DOCK3: variants seen among roughly 807,000 people sequenced by gnomAD.
The protein encoded by DOCK3 is dedicator of cytokinesis protein 3.
Under a neutral mutation model 265.6 loss-of-function variants are expected in DOCK3, and 60 were observed. That is an observed-to-expected ratio of 0.23 (90% CI 0.18 to 0.28). The LOEUF (loss-of-function observed/expected upper bound fraction) is 0.28. Ranked by LOEUF, DOCK3 falls within the 10% of genes least tolerant of loss-of-function variation. The pLI, the probability that DOCK3 is intolerant of heterozygous loss-of-function variation, is 1.00. For missense variants in DOCK3, 1,981 were observed against 2,594.3 expected, an observed-to-expected ratio of 0.76 and a Z score of 5.14; for synonymous variants, 881 against 938.0, an observed-to-expected ratio of 0.94 and a Z score of 1.11.
intron 19 of DOCK3, among the ~76,000 whole-genome samples, chr3:51,229,845 G>A (rs2090472922): frequency 6.6e-6 from 1 of 152,134 alleles, no homozygotes; most frequent in African/African-American, 2.4e-5. Flanking sequence ...TGTTTTAACA[G>A]TGCAGAATAT....
At chr3:51,198,793 G>T (rs1348683722) in intron 12 of DOCK3, among the ~76,000 whole-genome samples, 1 of 152,156 alleles carries the variant, frequency 6.6e-6, no homozygotes, top group Non-Finnish European at 1.5e-5. Flanking sequence ...ACTTTGGGAG[G>T]CTGAGTCAGG....
intron 1 of DOCK3, among the ~76,000 whole-genome samples, chr3:50,775,561 T>G (rs1347493276): frequency 2.0e-5 from 3 of 152,096 alleles, no homozygotes; most frequent in Admixed American, 2.0e-4. Context: ...TGATTTACGG[T>G]AGTGGAAGTT....
intron 27 of DOCK3, among the ~76,000 whole-genome samples, chr3:51,285,787 T>G (rs975225210): frequency 1.3e-5 from 2 of 151,800 alleles, no homozygotes; most frequent in African/African-American, 4.8e-5. Context: ...AAAAAAAAAT[T>G]AGCTGGGTGT....
intron 6 of DOCK3, among the ~76,000 whole-genome samples, chr3:51,075,103 T>C (rs1452113579): frequency 6.6e-6 from 1 of 152,180 alleles, no homozygotes; most frequent in Non-Finnish European, 1.5e-5. Flanking sequence ...GCTGATATAA[T>C]GTAATACTGA....
intron 24 of DOCK3, among the ~76,000 whole-genome samples, chr3:51,274,097 G>A (rs2080672818): frequency 1.3e-5 from 2 of 152,220 alleles, no homozygotes; most frequent in African/African-American, 4.8e-5. Context: ...TGTAAATATA[G>A]TCAGCTCCTG....
At chr3:51,305,514 C>T (rs945704688) in intron 27 of DOCK3, among the ~76,000 whole-genome samples, 6 of 152,128 alleles carry the variant, frequency 3.9e-5, no homozygotes, top group Non-Finnish European at 8.8e-5. Flanking sequence ...TTTCCCAACT[C>T]CGTCTTTTAG....
At chr3:51,289,784 A>T (rs549946695) in intron 27 of DOCK3, among the ~76,000 whole-genome samples, 1 of 152,318 alleles carries the variant, frequency 6.6e-6, no homozygotes, top group South Asian at 2.1e-4. Context: ...TTTGCAATCT[A>T]CTCATCTGAC....
intron 3 of DOCK3, among the ~76,000 whole-genome samples, chr3:50,874,143 A>T (rs2047584607): frequency 1.4e-5 from 2 of 141,660 alleles, no homozygotes; most frequent in South Asian, 4.4e-4. Flanking sequence ...ATCTTGCTCC[A>T]TCTTTTTCTC....
rs747241851 is a variant in DOCK3 at position 51,271,012 on chromosome 3, A to C, written c.2548+5A>C. On this transcript the variant is annotated splice_donor_5th_base_variant and intron_variant, in intron 24 of 52. Transcript: ENST00000266037. ...GCCGCCTGTTTTCTTTCTCAGGTAA[A>C]TCAAGTTGGGATGAGAGTCCTCCTT... 5.6e-6 allele frequency: 9 copies of C among 1,609,942 alleles called. No homozygotes were observed. Among genetic ancestry groups the C allele is most frequent in the Non-Finnish European group, 7.6e-6 (9 of 1,178,044 alleles).
chr3:51,202,600 C>G (rs1288935866), intron 12 of DOCK3, among the ~76,000 whole-genome samples: 1 of 152,112 alleles, frequency 6.6e-6, no homozygotes, highest in African/African-American at 2.4e-5. Flanking sequence ...CAAGGAGGAA[C>G]TGGTACCATT....
chr3:50,933,002 G>A (rs2051152636), intron 4 of DOCK3, among the ~76,000 whole-genome samples: 3 of 152,198 alleles, frequency 2.0e-5, no homozygotes, highest in Non-Finnish European at 4.4e-5. Context: ...GAGGAGCAAA[G>A]TCACATCTTA....
At chr3:50,708,251 G>T (rs145526228) in intron 1 of DOCK3, among the ~76,000 whole-genome samples, 1 of 152,310 alleles carries the variant, frequency 6.6e-6, no homozygotes, top group Non-Finnish European at 1.5e-5. Context: ...AGGGGTTGAG[G>T]TTGCTGTCAG....
At chr3:51,037,185 AT>A (rs1438653921) in intron 5 of DOCK3, among the ~76,000 whole-genome samples, 1 of 152,212 alleles carries the variant, frequency 6.6e-6, no homozygotes, top group African/African-American at 2.4e-5. Flanking sequence ...GTTTAAAAAA[AT>A]ATAATGCAAA....
chr3:50,902,854 G>C (rs2049272360), intron 4 of DOCK3, among the ~76,000 whole-genome samples: 1 of 152,170 alleles, frequency 6.6e-6, no homozygotes, highest in Non-Finnish European at 1.5e-5. Flanking sequence ...TCCTTAAGCA[G>C]CGGTTTGTAG....
chr3:50,977,553 C>T (rs1285343599), intron 5 of DOCK3, among the ~76,000 whole-genome samples: 1 of 152,168 alleles, frequency 6.6e-6, no homozygotes, highest in Admixed American at 6.5e-5. Context: ...GTAACCCGAC[C>T]TTTCTCTTTG....
rs367611860 is a variant in DOCK3 at position 50,832,530 on chromosome 3, G to A, written c.122-9145G>A. ...CAAATTTAGAAGAAAAGTGCAACCTGTTTTATTAGCAAGGTCTTTGTGACC... is the reference window on the plus strand; with the variant it reads ...CAAATTTAGAAGAAAAGTGCAACCTATTTTATTAGCAAGGTCTTTGTGACC... On this transcript the variant is annotated intron_variant, in intron 2 of 52. Coordinates refer to ENST00000266037, the MANE Select transcript of DOCK3 (RefSeq NM_004947.5). Among the ~76,000 whole-genome samples, 15 of 152,068 alleles carry A rather than the reference G, an allele frequency of 9.9e-5. 1 individual carries two copies. The highest frequency in any genetic ancestry group is 3.4e-4 in the African/African-American group (14 of 41,428).
chr3:51,048,728 C>T (rs1034191757), intron 5 of DOCK3, among the ~76,000 whole-genome samples: 5 of 152,066 alleles, frequency 3.3e-5, no homozygotes, highest in African/African-American at 7.2e-5. Context: ...CTTAAACTTA[C>T]ACGTAAGTAC....
In DOCK3 at chr3:51,359,200, G is replaced by A. The variant is rs376487872; in HGVS notation, c.4884+1123G>A. ...TCAGTGGGCCTGACCCATTTGGGGC[G>A]GACCTGCTGTGTTCTTGGATGCTGC... On this transcript the variant is annotated intron_variant, in intron 46 of 52. Coordinates refer to ENST00000266037, the MANE Select transcript of DOCK3 (RefSeq NM_004947.5). The surrounding 1 kb of genome is among the most constrained non-coding windows in gnomAD (Gnocchi z 4.8). Among the ~76,000 whole-genome samples the A allele has an allele frequency of 2.6e-5, 4 of 152,350 alleles. No homozygotes were observed. The highest frequency in any genetic ancestry group is 3.4e-3 in the Middle Eastern group (1 of 294).
intron 7 of DOCK3, among the ~76,000 whole-genome samples, chr3:51,084,944 A>G (rs1323269970): frequency 6.6e-6 from 1 of 152,232 alleles, no homozygotes; most frequent in East Asian, 1.9e-4. Context: ...AACTCAGTTT[A>G]CCTATAACGA....
Sources: gnomAD v4.1 joint callset for allele counts (sites outside exome capture counted in the v4.1 genomes callset) on GRCh38, gnomAD v4.1.1 for gene constraint, Gnocchi (gnomAD v3.1) non-coding constraint, MANE v1.5 for transcripts, NCBI Gene and HGNC (gene_info 2026-07-23, HGNC 2026-07-21) for gene names.